CACNB4: variants seen among roughly 807,000 people sequenced by gnomAD.
CACNB4 encodes the protein voltage-dependent L-type calcium channel subunit beta-4.
In CACNB4, 32 loss-of-function variants were observed where a neutral mutation model predicts 71.2. The ratio of observed to expected loss-of-function variants is 0.45; its 90% confidence interval spans 0.34 to 0.60. CACNB4 has a LOEUF of 0.60. CACNB4 is among the 20% of genes least tolerant of loss of function. CACNB4 has a pLI of 0.01. For missense variants in CACNB4, 464 were observed against 647.9 expected (o/e 0.72, Z 3.08); for synonymous variants, 231 against 236.9 (o/e 0.97, Z 0.23).
At chr2:152,085,595 C>A (rs1379954222) in intron 2 of CACNB4, among the ~76,000 whole-genome samples, 2 of 152,076 alleles carry the variant, frequency 1.3e-5, no homozygotes. Context: ...GTCTCCACAG[C>A]TCTTGCGGCT....
intron 2 of CACNB4, among the ~76,000 whole-genome samples, chr2:152,038,652 C>T (rs1191388468): frequency 6.6e-6 from 1 of 152,158 alleles, no homozygotes; most frequent in Non-Finnish European, 1.5e-5. Flanking sequence ...CCTCTTTCCA[C>T]AAAAGACATG....
chr2:151,909,486 A>C lies in CACNB4; in HGVS notation c.148-26116T>G, dbSNP rs572535362. Among the ~76,000 whole-genome samples the C allele has an allele frequency of 1.2e-3, 181 of 150,688 alleles. 1 individual carries two copies. Among genetic ancestry groups the C allele is most frequent in the Non-Finnish European group, 2.2e-3 (148 of 67,808 alleles). ...AACAAAAAATGGGATACAAGTGCAG[A>C]TTATGCAGGTTCGTTACACAGGTAT... On this transcript the variant is annotated intron_variant, in intron 2 of 13. Transcript: ENST00000539935.
At chr2:151,998,935 C>T (rs1053854316) in intron 2 of CACNB4, among the ~76,000 whole-genome samples, 9 of 152,202 alleles carry the variant, frequency 5.9e-5, no homozygotes, top group African/African-American at 1.9e-4. Flanking sequence ...GCTTGGTGAG[C>T]TTCACCCTCA....
chr2:151,920,318 C>CTTTTTTTTTTT (rs10574154), intron 2 of CACNB4, among the ~76,000 whole-genome samples: 1 of 66,092 alleles, frequency 1.5e-5, no homozygotes, highest in Non-Finnish European at 2.7e-5. Flanking sequence ...TCTTCTTCTT[C>CTTTTTTTTTTT]TTTTTTTTTT....
chr2:152,082,805 G>A (rs976397071), intron 2 of CACNB4, among the ~76,000 whole-genome samples: 1 of 152,166 alleles, frequency 6.6e-6, no homozygotes, highest in African/African-American at 2.4e-5. Flanking sequence ...CAGAAAGCTA[G>A]GCTCCCAGAT....
intron 2 of CACNB4, among the ~76,000 whole-genome samples, chr2:151,905,098 C>T (rs572621531): frequency 2.3e-4 from 35 of 152,274 alleles, no homozygotes; most frequent in African/African-American, 6.7e-4. Flanking sequence ...GGTTCAAGTG[C>T]GTGCCAGGAT....
At position 151,876,440 on chromosome 2, in the gene CACNB4, T is replaced by C. The variant is rs759232392; in HGVS notation, c.507A>G (p.Gly169=). ...TGGGAACGTACCCTCCGTGAAAACG[T>C]CCTCTTTTTTGTTCTTGCTGGATCC... ...NIRIQQEQKR[G]RFHGGKSSGN... Residue 169 remains glycine (G), a synonymous_variant, in exon 5 of 14, where the codon GGA becomes GGG. Coordinates refer to ENST00000539935, the MANE Select transcript of CACNB4 (RefSeq NM_000726.5). 1.9e-6 allele frequency: 3 copies of C among 1,595,318 alleles called. No homozygotes were observed. The highest frequency in any genetic ancestry group is 2.6e-6 in the Non-Finnish European group (3 of 1,168,406).
chr2:152,097,219 T>C (rs950149086), intron 2 of CACNB4, among the ~76,000 whole-genome samples: 1 of 152,212 alleles, frequency 6.6e-6, no homozygotes, highest in Non-Finnish European at 1.5e-5. Flanking sequence ...TAGACCCTTT[T>C]AGGAGAGGTC....
At chr2:152,046,455 T>C (rs1685146949) in intron 2 of CACNB4, among the ~76,000 whole-genome samples, 1 of 152,224 alleles carries the variant, frequency 6.6e-6, no homozygotes, top group African/African-American at 2.4e-5. Flanking sequence ...CCTACAGCTA[T>C]GGCTGGTTTC....
At chr2:151,909,414 C>T (rs540200196) in intron 2 of CACNB4, among the ~76,000 whole-genome samples, 2 of 144,962 alleles carry the variant, frequency 1.4e-5, no homozygotes, top group Non-Finnish European at 3.0e-5. Context: ...CCAGCCTGGG[C>T]GACACAGCGA....
chr2:151,888,068 G>T (rs1021074712), intron 2 of CACNB4, among the ~76,000 whole-genome samples: 3 of 152,082 alleles, frequency 2.0e-5, no homozygotes, highest in Non-Finnish European at 1.5e-5. Context: ...CAATCTAATA[G>T]AACATTTCCA....
rs912119750 is a variant in CACNB4 at position 151,869,227 on chromosome 2, G to A, written c.708C>T (p.Asp236=). ...GPSLKGYEVT[D]MMQKALFDFL... ...AATCAAAGAGGGCTTTCTGCATCAT[G>A]TCTGTTACCTTTGCAGAGGTGAGAA... The change falls in exon 9 of 14, where the codon GAC becomes GAT. Residue 236 remains aspartate, a synonymous_variant. Coordinates refer to ENST00000539935, the MANE Select transcript of CACNB4 (RefSeq NM_000726.5). 6 of 1,562,130 alleles carry A rather than the reference G, an allele frequency of 3.8e-6. No homozygotes were observed. The African/African-American group carries it at 8.1e-5, about 21-fold the overall frequency.
intron 2 of CACNB4, among the ~76,000 whole-genome samples, chr2:152,069,535 T>A (rs2105365183): frequency 6.7e-6 from 1 of 148,386 alleles, no homozygotes; most frequent in Admixed American, 6.7e-5. Context: ...TAGAATCAAA[T>A]TCTTCCTTCA....
chr2:152,009,610 G>A (rs1682945248), intron 2 of CACNB4, among the ~76,000 whole-genome samples: 2 of 152,198 alleles, frequency 1.3e-5, no homozygotes, highest in Admixed American at 1.3e-4. Flanking sequence ...AAGAAGGGGA[G>A]ACAGAGAAGA....
At chr2:152,095,104 G>T (rs1688194355) in intron 2 of CACNB4, among the ~76,000 whole-genome samples, 2 of 152,118 alleles carry the variant, frequency 1.3e-5, no homozygotes, top group African/African-American at 4.8e-5. Flanking sequence ...TTTCCTCAAA[G>T]AAGCCATTTA....
chr2:152,041,418 A>C (rs1367223203), intron 2 of CACNB4, among the ~76,000 whole-genome samples: 1 of 152,186 alleles, frequency 6.6e-6, no homozygotes, highest in Admixed American at 6.5e-5. Flanking sequence ...GGGGGCTATA[A>C]ATTTCTGTTT....
intron 2 of CACNB4, among the ~76,000 whole-genome samples, chr2:151,982,598 A>T (rs1357798887): frequency 6.9e-6 from 1 of 145,450 alleles, no homozygotes; most frequent in Non-Finnish European, 1.5e-5. Flanking sequence ...GCACCACTGC[A>T]CTCCAGCCTG....
intron 12 of CACNB4, among the ~76,000 whole-genome samples, chr2:151,842,870 T>G (rs2099836582): frequency 6.6e-6 from 1 of 152,138 alleles, no homozygotes; most frequent in Non-Finnish European, 1.5e-5. Flanking sequence ...GGTAACTATG[T>G]TGAAGGGAAT....
chr2:151,981,051 G>A (rs2099874640), intron 2 of CACNB4, among the ~76,000 whole-genome samples: 1 of 135,132 alleles, frequency 7.4e-6, no homozygotes, highest in Admixed American at 7.9e-5. Flanking sequence ...CTTCTTTAAG[G>A]TCAAATGTAA....
Sources: gnomAD v4.1 joint callset for allele counts (sites outside exome capture counted in the v4.1 genomes callset) on GRCh38, gnomAD v4.1.1 for gene constraint, MANE v1.5 for transcripts, NCBI Gene and HGNC (gene_info 2026-07-23, HGNC 2026-07-21) for gene names.